Variants in PUDP observed in about 807,000 individuals in gnomAD.
PUDP encodes the protein pseudouridine-5'-phosphatase.
In PUDP, 8 loss-of-function variants were observed where a neutral mutation model predicts 9.4. That is an observed-to-expected ratio of 0.85 (90% CI 0.50 to 1.53). The LOEUF (loss-of-function observed/expected upper bound fraction) is 1.53, where lower values mean the gene tolerates loss of function less well. PUDP is among the 40% of genes most tolerant of loss of function. The pLI is 0.00. For missense variants in PUDP, 188 were observed against 189.7 expected (o/e 0.99, Z 0.05); for synonymous variants, 99 against 80.7 (o/e 1.23, Z -1.22).
intron 3 of PUDP, among the ~76,000 whole-genome samples, chrX:6,749,877 C>T (rs1011048152): frequency 1.8e-5 from 2 of 111,762 alleles, no homozygotes; most frequent in South Asian, 7.7e-4. Context: ...AGATGGAGTG[C>T]GTTAATTTTT....
At chrX:6,928,064 G>C (rs761043428) in intron 3 of PUDP, among the ~76,000 whole-genome samples, 1 of 107,678 alleles carries the variant, frequency 9.3e-6, no homozygotes, top group African/African-American at 3.4e-5. Context: ...CCTCCCAAGT[G>C]GCTGGGATTA....
chrX:6,925,025 C>T lies in PUDP; in HGVS notation c.*247+52108G>A, dbSNP rs778967339. Among the ~76,000 whole-genome samples, 123 of 112,009 alleles carry T rather than the reference C, an allele frequency of 1.1e-3. 1 individual carries two copies. The highest frequency in any genetic ancestry group is 3.7e-3 in the African/African-American group (115 of 30,893). ...TGCACATCTTGCCTTAAAATAAATA[C>T]AATTTAAGGCCGGGCATGGTGGCTC... On this transcript the variant is annotated intron_variant and NMD_transcript_variant, in intron 3 of 3. Transcript: ENST00000655425.
intron 3 of PUDP, among the ~76,000 whole-genome samples, chrX:6,895,810 TG>T (rs765675040): frequency 1.8e-5 from 2 of 111,692 alleles, no homozygotes; most frequent in East Asian, 5.6e-4. Flanking sequence ...CTCTGGAGGC[TG>T]GGAGTCCGAG....
intron 3 of PUDP, among the ~76,000 whole-genome samples, chrX:6,849,910 A>G (rs1294350878): frequency 8.9e-6 from 1 of 112,249 alleles, no homozygotes; most frequent in East Asian, 2.8e-4. Context: ...TTACAGTACT[A>G]CACATTCCCA....
At chrX:6,877,479 G>A (rs112063707) in intron 3 of PUDP, among the ~76,000 whole-genome samples, 4 of 111,582 alleles carry the variant, frequency 3.6e-5, no homozygotes, top group Non-Finnish European at 7.5e-5. Context: ...GGACCATAAC[G>A]TGAGAAGTTT....
At chrX:6,919,057 AAGAGGAGGCTCATAAAAAT>A (rs764415943) in intron 3 of PUDP, among the ~76,000 whole-genome samples, 5 of 112,041 alleles carry the variant, frequency 4.5e-5, no homozygotes, top group African/African-American at 1.6e-4. Context: ...GAAAATCTAC[AAGAGGAGGCTCATAAAAAT>A]AGAGGCTCCT....
chrX:7,003,725 G>C (rs1401389845), intron 1 of PUDP, among the ~76,000 whole-genome samples: 1 of 111,735 alleles, frequency 8.9e-6, no homozygotes, highest in African/African-American at 3.3e-5. Context: ...TTTTTGAAAG[G>C]GGGACAGCGT....
At chrX:6,982,104 T>TAC (rs932504062) in intron 1 of PUDP, among the ~76,000 whole-genome samples, 106 of 88,836 alleles carry the variant, frequency 1.2e-3, no homozygotes, top group African/African-American at 4.1e-3. Flanking sequence ...GACACACACA[T>TAC]ACACACACAC....
chrX:7,118,466 A>G (rs1259697807), intron 1 of PUDP, among the ~76,000 whole-genome samples: 1 of 112,277 alleles, frequency 8.9e-6, no homozygotes, highest in Non-Finnish European at 1.9e-5. Context: ...ACCTGGTTCA[A>G]AATTTAACGG....
chrX:7,108,390 A>G (rs1416077546), intron 1 of PUDP, among the ~76,000 whole-genome samples: 3 of 111,687 alleles, frequency 2.7e-5, no homozygotes, highest in African/African-American at 9.8e-5. Flanking sequence ...CACCCTGTGG[A>G]CACTGGAGAC....
At chrX:6,865,060 C>T (rs927745610) in intron 3 of PUDP, among the ~76,000 whole-genome samples, 5 of 111,551 alleles carry the variant, frequency 4.5e-5, no homozygotes, top group Admixed American at 1.9e-4. Flanking sequence ...TTTGCTGAAG[C>T]CCTATGTTCT....
Position 6,946,867 on chromosome X carries a change from T to A in PUDP, c.*247+30266A>T, listed in dbSNP as rs140867315. Among the ~76,000 whole-genome samples, 13 of 112,266 alleles carry A rather than the reference T, an allele frequency of 1.2e-4. No individual in the cohort carries two copies. The East Asian group carries it at 3.3e-3, about 29-fold the overall frequency. Reference sequence around the variant, plus strand: ...GTGGGTTTGTTGTTAGTCTTCACAGTGTTCTTTATGCTTATAGGTATTTTC... The same window carrying A: ...GTGGGTTTGTTGTTAGTCTTCACAGAGTTCTTTATGCTTATAGGTATTTTC... On this transcript the variant is annotated intron_variant and NMD_transcript_variant, in intron 3 of 3. Coordinates refer to the PUDP transcript ENST00000655425.
intron 1 of PUDP, among the ~76,000 whole-genome samples, chrX:7,139,487 G>A (rs1932775798): frequency 8.9e-6 from 1 of 111,819 alleles, no homozygotes; most frequent in Admixed American, 9.5e-5. Context: ...TGCTGGGCTA[G>A]AGAGCAGACA....
At chrX:7,048,523 T>C (rs2146834558), downstream of PUDP, among the ~76,000 whole-genome samples, 1 of 112,301 alleles carries the variant, frequency 8.9e-6, no homozygotes, top group South Asian at 3.7e-4. Flanking sequence ...TGTCTAAAAA[T>C]ATAAGAATCT....
At chrX:6,964,499 T>C (rs12392595) in intron 3 of PUDP, among the ~76,000 whole-genome samples, 34,007 of 109,357 alleles carry the variant, frequency 0.31, 4,582 homozygotes, top group Non-Finnish European at 0.41. Flanking sequence ...ATAGTGAGAC[T>C]CTGTCTCTAC....
intron 3 of PUDP, among the ~76,000 whole-genome samples, chrX:6,754,864 A>T (rs1457526882): frequency 9.0e-6 from 1 of 111,294 alleles, no homozygotes; most frequent in East Asian, 2.8e-4. Flanking sequence ...CCTAACAGAC[A>T]CATTCTCAGC....
downstream of PUDP, among the ~76,000 whole-genome samples, chrX:7,046,870 T>G (rs762259111): frequency 1.4e-4 from 16 of 112,488 alleles, no homozygotes; most frequent in Non-Finnish European, 2.4e-4. Flanking sequence ...TTATTAACAT[T>G]TTGGTAAATA....
intron 1 of PUDP, among the ~76,000 whole-genome samples, chrX:6,994,942 C>A (rs1929230947): frequency 9.1e-6 from 1 of 109,563 alleles, no homozygotes; most frequent in South Asian, 4.0e-4. Flanking sequence ...TTGGTACTCT[C>A]ATAAAAAGAA....
intron 3 of PUDP, among the ~76,000 whole-genome samples, chrX:6,805,640 C>T (rs1004118759): frequency 2.7e-5 from 3 of 110,285 alleles, no homozygotes; most frequent in Non-Finnish European, 3.8e-5. Context: ...TCACCTCAGC[C>T]TCCCAAGTAG....
Sources: allele counts gnomAD v4.1 joint callset (sites outside exome capture counted in the v4.1 genomes callset), GRCh38; gene constraint gnomAD v4.1.1; transcripts MANE v1.5; gene names NCBI Gene and HGNC (gene_info 2026-07-23, HGNC 2026-07-21).